FUT8: variants seen among roughly 807,000 people sequenced by gnomAD.
The protein encoded by FUT8 is fucosyltransferase 8, also known as alpha-(1,6)-fucosyltransferase.
Under a neutral mutation model 71.3 loss-of-function variants are expected in FUT8, and 29 were observed. The observed-to-expected ratio is 0.41, with a 90% confidence interval of 0.30 to 0.55. The LOEUF is 0.55. Ranked by LOEUF, FUT8 falls within the 20% of genes least tolerant of loss-of-function variation. The probability of loss-of-function intolerance (pLI) is 0.34; values close to 1 mark genes in which losing one functional copy is unlikely to be tolerated. For synonymous variants in FUT8, 254 were observed against 239.3 expected, an observed-to-expected ratio of 1.06 and a Z score of -0.57; for missense variants, 544 against 702.1, an observed-to-expected ratio of 0.77 and a Z score of 2.55.
At chr14:65,563,621 C>T (rs2140051772) in intron 3 of FUT8, among the ~76,000 whole-genome samples, 1 of 152,068 alleles carries the variant, frequency 6.6e-6, no homozygotes, top group South Asian at 2.1e-4. Context: ...AAATCTCCTT[C>T]TATATCATGG....
chr14:65,714,486 T>C (rs1894956917), intron 7 of FUT8, among the ~76,000 whole-genome samples: 1 of 151,894 alleles, frequency 6.6e-6, no homozygotes, highest in South Asian at 2.1e-4. Context: ...TCTCATTGTC[T>C]TTGCAAGGTT....
At chr14:65,584,109 T>G (rs1887240752) in intron 3 of FUT8, among the ~76,000 whole-genome samples, 1 of 151,618 alleles carries the variant, frequency 6.6e-6, no homozygotes, top group South Asian at 2.1e-4. Context: ...CTCCTGACCT[T>G]GTGATCCGCC....
intron 3 of FUT8, among the ~76,000 whole-genome samples, chr14:65,606,267 C>A (rs542025218): frequency 6.6e-6 from 1 of 150,500 alleles, no homozygotes; most frequent in African/African-American, 2.4e-5. Context: ...TTAGTAGAGA[C>A]GGGGTTTCAC....
At chr14:65,600,316 ACTT>A (rs1888227665) in intron 3 of FUT8, among the ~76,000 whole-genome samples, 1 of 152,108 alleles carries the variant, frequency 6.6e-6, no homozygotes, top group Admixed American at 6.5e-5. Flanking sequence ...ACCACTTCAT[ACTT>A]CTTTTTCCTC....
At chr14:65,634,483 T>G (rs1890425348) in intron 6 of FUT8, among the ~76,000 whole-genome samples, 1 of 151,326 alleles carries the variant, frequency 6.6e-6, no homozygotes, top group African/African-American at 2.4e-5. Context: ...CACTTGTTTA[T>G]CTGTGGACCT....
intron 5 of FUT8, among the ~76,000 whole-genome samples, chr14:65,617,500 T>A (rs1889348239): frequency 6.6e-6 from 1 of 152,204 alleles, no homozygotes; most frequent in African/African-American, 2.4e-5. Context: ...GCACGAAGCA[T>A]CTCTTAAATG....
chr14:65,711,073 A>G (rs576351711), intron 7 of FUT8, among the ~76,000 whole-genome samples: 6 of 152,344 alleles, frequency 3.9e-5, no homozygotes, highest in African/African-American at 1.4e-4. Flanking sequence ...ACCTCCCACC[A>G]GGACCAGGCC....
chr14:65,623,881 T>A (rs576174631), intron 5 of FUT8, among the ~76,000 whole-genome samples: 4 of 152,296 alleles, frequency 2.6e-5, no homozygotes, highest in African/African-American at 9.6e-5. Flanking sequence ...TGCCCACTTA[T>A]TAGATTTCTT....
At chr14:65,443,767 A>G (rs779397034) in intron 1 of FUT8, among the ~76,000 whole-genome samples, 3 of 151,992 alleles carry the variant, frequency 2.0e-5, no homozygotes, top group Non-Finnish European at 4.4e-5. Context: ...TTCAAAAATC[A>G]TGAGTAATAT....
At chr14:65,681,743 T>C (rs1893047599) in intron 7 of FUT8, among the ~76,000 whole-genome samples, 1 of 152,218 alleles carries the variant, frequency 6.6e-6, no homozygotes, top group Non-Finnish European at 1.5e-5. Context: ...TAATAGCTAA[T>C]ATTTAGTGAA....
At chr14:65,644,864 A>C (rs1242516378) in intron 6 of FUT8, among the ~76,000 whole-genome samples, 1 of 152,192 alleles carries the variant, frequency 6.6e-6, no homozygotes, top group African/African-American at 2.4e-5. Flanking sequence ...AACAAAGCTT[A>C]TCTGACATAC....
intron 5 of FUT8, among the ~76,000 whole-genome samples, 156 bp from the exon 6 acceptor site, chr14:65,629,336 T>C (rs914698712): frequency 1.3e-5 from 2 of 152,226 alleles, no homozygotes; most frequent in African/African-American, 4.8e-5. Context: ...AGACTAATTT[T>C]TGAATTGCAC....
intron 3 of FUT8, among the ~76,000 whole-genome samples, chr14:65,563,938 A>T (rs1386374156): frequency 6.6e-6 from 1 of 152,212 alleles, no homozygotes; most frequent in African/African-American, 2.4e-5. Context: ...TGGTAATACC[A>T]TGTAATTACA....
Position 65,413,936 on chromosome 14 carries a change from A to G in FUT8, c.-326+722A>G, listed in dbSNP as rs191400623. On this transcript the variant is annotated intron_variant, in intron 1 of 10. Coordinates refer to ENST00000673929, the MANE Select transcript of FUT8 (RefSeq NM_001371533.1). The surrounding 1 kb of genome is among the most constrained non-coding windows in gnomAD (Gnocchi z 4.1). ...TGGGGATTGCAATCTTCAGAGACGCAGTGTATTTCTTAAGTGGCAGTGTCA... is the reference window on the plus strand; with the variant it reads ...TGGGGATTGCAATCTTCAGAGACGCGGTGTATTTCTTAAGTGGCAGTGTCA... 2.8e-3 allele frequency among the ~76,000 whole-genome samples: 433 copies of G among 152,214 alleles called. 3 individuals carry two copies. The highest frequency in any genetic ancestry group is 9.9e-3 in the African/African-American group (412 of 41,532).
chr14:65,524,289 AT>A (rs1883292487), intron 2 of FUT8, among the ~76,000 whole-genome samples: 1 of 152,154 alleles, frequency 6.6e-6, no homozygotes, highest in African/African-American at 2.4e-5. Context: ...GGTCTTTCAC[AT>A]CCCTTGTAAG....
At chr14:65,438,486 A>AT (rs1156732048) in intron 1 of FUT8, among the ~76,000 whole-genome samples, 1 of 151,946 alleles carries the variant, frequency 6.6e-6, no homozygotes, top group Admixed American at 6.6e-5. Context: ...ATTCTTTATC[A>AT]TTTTTTCCAG....
chr14:65,704,154 ACTC>A (rs1359109165), intron 7 of FUT8, among the ~76,000 whole-genome samples: 4 of 151,992 alleles, frequency 2.6e-5, no homozygotes, highest in African/African-American at 4.8e-5. Context: ...CTCATTCGTA[ACTC>A]CTCAAGTATG....
intron 2 of FUT8, among the ~76,000 whole-genome samples, chr14:65,533,515 A>C (rs894097941): frequency 6.6e-6 from 1 of 151,996 alleles, no homozygotes; most frequent in Non-Finnish European, 1.5e-5. Flanking sequence ...GTATTGTGAA[A>C]CTTTGCTTAA....
At chr14:65,710,155 A>T (rs1894743888) in intron 7 of FUT8, among the ~76,000 whole-genome samples, 1 of 152,318 alleles carries the variant, frequency 6.6e-6, no homozygotes, top group East Asian at 1.9e-4. Context: ...ATTTAATAAC[A>T]TGTTTTTTTC....
Sources: gnomAD v4.1 joint callset for allele counts (sites outside exome capture counted in the v4.1 genomes callset) on GRCh38, gnomAD v4.1.1 for gene constraint, Gnocchi (gnomAD v3.1) non-coding constraint, MANE v1.5 for transcripts, NCBI Gene and HGNC (gene_info 2026-07-23, HGNC 2026-07-21) for gene names.